ITGA9: variants seen among roughly 807,000 people sequenced by gnomAD.
ITGA9 encodes integrin alpha-9.
ITGA9 carries 56 observed loss-of-function variants against 127.8 expected under a neutral mutation model. That is an observed-to-expected ratio of 0.44 (90% CI 0.35 to 0.55). The LOEUF is 0.55. Ranked by LOEUF, ITGA9 falls within the 20% of genes least tolerant of loss-of-function variation. ITGA9 has a pLI of 0.00. For synonymous variants in ITGA9, 508 were observed against 514.5 expected (o/e 0.99, Z 0.17); for missense variants, 1,196 against 1,347.1 (o/e 0.89, Z 1.76).
rs142904306 is a variant in ITGA9 at position 37,568,157 on chromosome 3, C to A, written c.1689+25572C>A. On this transcript the variant is annotated intron_variant, in intron 15 of 27. Transcript: ENST00000264741. Reference sequence around the variant, plus strand: ...GAAATCTAGGCAGAGGTTCCCAAACCTTAATTCTTGACTTTGTGCAAGCTG... The same window carrying A: ...GAAATCTAGGCAGAGGTTCCCAAACATTAATTCTTGACTTTGTGCAAGCTG... Among the ~76,000 whole-genome samples the A allele has an allele frequency of 3.7e-3, 560 of 152,366 alleles. 1 individual carries two copies. Among genetic ancestry groups the A allele is most frequent in the Non-Finnish European group, 5.5e-3 (377 of 68,042 alleles).
At chr3:37,745,255 G>A (rs1293373059) in intron 22 of ITGA9, among the ~76,000 whole-genome samples, 3 of 152,218 alleles carry the variant, frequency 2.0e-5, no homozygotes, top group Admixed American at 6.5e-5. Flanking sequence ...AACAGACTGC[G>A]AAACCATGAT....
At chr3:37,780,544 A>G (rs1696964597) in intron 25 of ITGA9, among the ~76,000 whole-genome samples, 1 of 152,078 alleles carries the variant, frequency 6.6e-6, no homozygotes, top group Admixed American at 6.6e-5. Context: ...GTATATATAT[A>G]TATATACCAC....
chr3:37,653,894 A>G, intron 17 of ITGA9, 104 bp downstream of exon 17: 1 of 800,860 alleles, frequency 1.2e-6, no homozygotes, highest in Admixed American at 1.9e-5. Context: ...GGATAAACAG[A>G]GTTGATGGGT....
Position 37,817,157 on chromosome 3 carries a change from C to A in ITGA9, c.3010-1734C>A, listed in dbSNP as rs541631412. On this transcript the variant is annotated intron_variant, in intron 27 of 27. Coordinates refer to ENST00000264741, the MANE Select transcript of ITGA9 (RefSeq NM_002207.3). ...GTGAAGAAGCATGAGGACAAATACA[C>A]AGACAACAAAAACATTTGATGTGCC... Among the ~76,000 whole-genome samples, 131 of 152,346 alleles carry A rather than the reference C, an allele frequency of 8.6e-4. 1 individual carries two copies. Among genetic ancestry groups the A allele is most frequent in the Non-Finnish European group, 1.3e-3 (87 of 68,030 alleles).
intron 1 of ITGA9, among the ~76,000 whole-genome samples, chr3:37,464,536 C>T (rs1698350500): frequency 6.6e-6 from 1 of 152,178 alleles, no homozygotes; most frequent in Non-Finnish European, 1.5e-5. Flanking sequence ...TTTTATTCCT[C>T]CTGTTTTACA....
At chr3:37,518,652 A>G (rs943830360) in intron 10 of ITGA9, among the ~76,000 whole-genome samples, 4 of 152,116 alleles carry the variant, frequency 2.6e-5, no homozygotes, top group Non-Finnish European at 5.9e-5. Context: ...AAATTATGGC[A>G]CGTAGTTTAT....
chr3:37,682,237 A>T (rs986036875), intron 17 of ITGA9, among the ~76,000 whole-genome samples: 2 of 152,146 alleles, frequency 1.3e-5, no homozygotes. Flanking sequence ...CTCCTCCTAC[A>T]TCTCTGAAAC....
At chr3:37,502,521 C>G (rs1698797249) in intron 5 of ITGA9, among the ~76,000 whole-genome samples, 1 of 152,202 alleles carries the variant, frequency 6.6e-6, no homozygotes, top group Non-Finnish European at 1.5e-5. Flanking sequence ...GGCCTTGAGT[C>G]TGTTTTTAAC....
In ITGA9 at chr3:37,568,641, C is replaced by T. The variant is rs150218101; in HGVS notation, c.1689+26056C>T. The stretch of plus-strand genomic sequence containing the variant: ...ATTTCTTCCACCAGATACCCTAAGT[C>T]ATCTCCCTCAAGTTCAAAGTTCCAC... On this transcript the variant is annotated intron_variant, in intron 15 of 27. Coordinates refer to ENST00000264741, the MANE Select transcript of ITGA9 (RefSeq NM_002207.3). Among the ~76,000 whole-genome samples, 616 of 152,312 alleles carry T rather than the reference C, an allele frequency of 4.0e-3. 6 individuals are homozygous for T. Among genetic ancestry groups the T allele is most frequent in the African/African-American group, 0.013 (526 of 41,564 alleles).
chr3:37,464,116 A>AGTGTGTGT (rs10603611), intron 1 of ITGA9, among the ~76,000 whole-genome samples: 41 of 144,270 alleles, frequency 2.8e-4, no homozygotes, highest in Middle Eastern at 3.5e-3. Context: ...AGAAGGTGTG[A>AGTGTGTGT]GTGTGTGTGT....
chr3:37,737,566 A>G (rs753902878), intron 20 of ITGA9, among the ~76,000 whole-genome samples: 1 of 152,198 alleles, frequency 6.6e-6, no homozygotes, highest in Non-Finnish European at 1.5e-5. Context: ...CAGGATAGCC[A>G]TGAGTGCCTG....
At chr3:37,716,008 G>C (rs112494848) in intron 18 of ITGA9, among the ~76,000 whole-genome samples, 2,623 of 152,310 alleles carry the variant, frequency 0.017, 38 homozygotes, top group Non-Finnish European at 0.027. Context: ...GTGATATCAA[G>C]CAAAGTCCCC....
At chr3:37,665,438 G>A (rs1002060781) in intron 17 of ITGA9, among the ~76,000 whole-genome samples, 2 of 152,056 alleles carry the variant, frequency 1.3e-5, no homozygotes, top group South Asian at 4.1e-4. Flanking sequence ...AGTGTTTGCC[G>A]TTTCTCTGAT....
chr3:37,735,936 A>G, intron 19 of ITGA9, among the ~76,000 whole-genome samples: 1 of 152,216 alleles, frequency 6.6e-6, no homozygotes, highest in East Asian at 1.9e-4. Context: ...ACAGACATGT[A>G]TTTCTCACAG....
intron 18 of ITGA9, among the ~76,000 whole-genome samples, chr3:37,696,998 T>G (rs578067890): frequency 2.3e-4 from 35 of 152,116 alleles, no homozygotes; most frequent in Non-Finnish European, 4.7e-4. Context: ...GGGCGAGATA[T>G]CCAGGGCCTC....
At chr3:37,513,681 G>T in intron 8 of ITGA9, 82 bp from the exon 9 acceptor site, 2 of 1,507,452 alleles carry the variant, frequency 1.3e-6, no homozygotes. Context: ...TGTTTCTAAA[G>T]CCAATGGGGT....
chr3:37,803,715 A>G, intron 26 of ITGA9, 108 bp from the exon 27 acceptor site: 2 of 1,270,694 alleles, frequency 1.6e-6, no homozygotes, highest in Non-Finnish European at 2.2e-6. Context: ...TAGAGGTTGC[A>G]GTGAGCCGAG....
Position 37,636,728 on chromosome 3 carries a change from A to G in ITGA9, c.1839+7392A>G, listed in dbSNP as rs545921330. ...TGCCCATGCCTATGTCCTGAATGGT[A>G]TTGCCTAGGTTTTCTTCTAGGGTTT... On this transcript the variant is annotated intron_variant, in intron 16 of 27. Coordinates refer to ENST00000264741, the MANE Select transcript of ITGA9 (RefSeq NM_002207.3). 2.3e-3 allele frequency among the ~76,000 whole-genome samples: 346 copies of G among 152,252 alleles called. 4 individuals are homozygous for G. The highest frequency in any genetic ancestry group is 0.021 in the Admixed American group (318 of 15,308).
intron 15 of ITGA9, among the ~76,000 whole-genome samples, chr3:37,567,985 C>A (rs1236911757): frequency 2.0e-5 from 3 of 152,172 alleles, no homozygotes; most frequent in Non-Finnish European, 2.9e-5. Context: ...CTAGGCAGTG[C>A]CCCAGCAGGA....
Sources: allele counts gnomAD v4.1 joint callset (sites outside exome capture counted in the v4.1 genomes callset), GRCh38; gene constraint gnomAD v4.1.1; transcripts MANE v1.5; gene names NCBI Gene and HGNC (gene_info 2026-07-23, HGNC 2026-07-21).